CEP72: variants seen among roughly 807,000 people sequenced by gnomAD.
CEP72 encodes the protein centrosomal protein 72.
CEP72 carries 78 observed loss-of-function variants against 65.7 expected under a neutral mutation model. The ratio of observed to expected loss-of-function variants is 1.19; its 90% CI spans 0.99 to 1.43. The LOEUF (loss-of-function observed/expected upper bound fraction) is 1.43. CEP72 is among the 40% of genes most tolerant of loss of function. CEP72 has a pLI of 0.00. For synonymous variants in CEP72, 358 were observed against 351.7 expected (o/e 1.02, Z -0.20); for missense variants, 914 against 832.9 (o/e 1.10, Z -1.20).
At chr5:614,944 C>T (rs1475236191) in intron 1 of CEP72, among the ~76,000 whole-genome samples, 1 of 151,796 alleles carries the variant, frequency 6.6e-6, no homozygotes, top group Non-Finnish European at 1.5e-5. Context: ...TCTTCTGTAT[C>T]CTTGCTGATT....
Position 624,439 on chromosome 5 carries a change from C to T in CEP72, c.404-32C>T. On this transcript the variant is annotated intron_variant, in intron 3 of 11. Coordinates refer to ENST00000264935, the MANE Select transcript of CEP72 (RefSeq NM_018140.4). The surrounding 1 kb of genome is among the most constrained non-coding windows in gnomAD (Gnocchi z 4.7). ...GGATGCAGCCGCCCGCCGCTTGCCACCTGCACAGTCTTGTGTGGCCTTTTC... is the reference window on the plus strand; with the variant it reads ...GGATGCAGCCGCCCGCCGCTTGCCATCTGCACAGTCTTGTGTGGCCTTTTC... 6.4e-7 allele frequency: 1 copy of T among 1,561,178 alleles called. No homozygotes were observed. Among genetic ancestry groups the T allele is most frequent in the Non-Finnish European group, 8.8e-7 (1 of 1,131,796 alleles).
chr5:620,819 C>T (rs892260116), intron 3 of CEP72, among the ~76,000 whole-genome samples: 3 of 152,224 alleles, frequency 2.0e-5, no homozygotes. Context: ...GCCCCCACAG[C>T]GATGCCCAGT....
intron 9 of CEP72, chr5:643,222 A>G (rs967570384): frequency 2.0e-5 from 20 of 985,276 alleles, no homozygotes; most frequent in Non-Finnish European, 2.2e-5. Flanking sequence ...CAAATGAAAA[A>G]GAGCTGGGAG....
chr5:635,605 C>G lies in CEP72; in HGVS notation c.904+21C>G, dbSNP rs139813223. 3.5e-3 allele frequency: 5,415 copies of G among 1,550,424 alleles called. 16 individuals are homozygous for G. Among genetic ancestry groups the G allele is most frequent in the Non-Finnish European group, 4.2e-3 (4,721 of 1,124,162 alleles). ...CCCAGGTACTTACGCGTGTCTTAGT[C>G]TGTTTTCTGTTGCTGTAACAGAAAA... On this transcript the variant is annotated intron_variant, in intron 6 of 11. Coordinates refer to ENST00000264935, the MANE Select transcript of CEP72 (RefSeq NM_018140.4).
At chr5:665,000 G>A (rs574595647) in intron 2 of CEP72, 23 of 1,401,926 alleles carry the variant, frequency 1.6e-5, no homozygotes, top group South Asian at 1.3e-4. Context: ...TGGGGCACCC[G>A]TCTGAGTTCT....
chr5:665,459 T>C (rs1342432741), intron 3 of CEP72: 3 of 692,846 alleles, frequency 4.3e-6, no homozygotes, highest in Non-Finnish European at 7.1e-6. Context: ...TTACCTCTCC[T>C]GACCCTGGGG....
rs796428802 is a variant in CEP72 at position 641,659 on chromosome 5, G to A, written c.1539+1055G>A. 6 of 984,140 alleles carry A rather than the reference G, an allele frequency of 6.1e-6. No homozygotes were observed. In the African/African-American group the frequency reaches 1.1e-4, roughly 17 times the overall value. The allele number at this position is 984,140 out of a possible 1,614,324, so 61.0% of individuals were successfully genotyped here. A position where few individuals can be genotyped will look rare whatever the true frequency, so the allele number is the denominator to read the frequency against. On this transcript the variant is annotated intron_variant, in intron 9 of 11. Coordinates refer to ENST00000264935, the MANE Select transcript of CEP72 (RefSeq NM_018140.4). ...AACACATGTGGGCCTCCTCCATCTG[G>A]AAGCCTCTGTATTTAAACACACGTG...
At chr5:673,965 G>A in the CEP72 span, among the ~76,000 whole-genome samples, 1 of 152,224 alleles carries the variant, frequency 6.6e-6, no homozygotes, top group Non-Finnish European at 1.5e-5. Flanking sequence ...ATGCGGCCAT[G>A]TGCATGCACA....
At chr5:674,717 G>T in the CEP72 span, among the ~76,000 whole-genome samples, 2 of 151,994 alleles carry the variant, frequency 1.3e-5, no homozygotes, top group African/African-American at 2.4e-5. Flanking sequence ...GCTGCAGGAG[G>T]CTGCAGGTTT....
chr5:628,477 CAGGT>C (rs1736911916), intron 4 of CEP72, among the ~76,000 whole-genome samples: 1 of 149,790 alleles, frequency 6.7e-6, no homozygotes, highest in African/African-American at 2.5e-5. Context: ...CTGGAGAACT[CAGGT>C]TGCCGTCCCT....
chr5:666,581 G>A (rs1350756599), intron 4 of CEP72, among the ~76,000 whole-genome samples: 2 of 152,198 alleles, frequency 1.3e-5, no homozygotes, highest in South Asian at 2.1e-4. Context: ...CCGGACACTT[G>A]GCAGCATGGG....
In CEP72 at chr5:635,591, AC is replaced by A. The variant is rs370447299; in HGVS notation, c.904+8del. ...TACTTCACCCCACACCCAGGTACTT[AC>A]GCGTGTCTTAGTCTGTTTTCTGTTG... is the stretch of plus-strand genomic sequence containing the variant. On this transcript the variant is annotated splice_region_variant and intron_variant, in intron 6 of 11. Transcript: ENST00000264935. 7,287 of 1,603,014 alleles carry A rather than the reference AC, an allele frequency of 4.5e-3. 75 individuals are homozygous for A. The highest frequency in any genetic ancestry group is 4.4e-3 in the Non-Finnish European group (5,141 of 1,170,686).
At chr5:650,201 TG>T (rs1160044996) in intron 11 of CEP72, among the ~76,000 whole-genome samples, 2 of 113,432 alleles carry the variant, frequency 1.8e-5, no homozygotes, top group Non-Finnish European at 1.8e-5. Flanking sequence ...CTGTGAGGCG[TG>T]GACTGTGAGG....
At chr5:664,835 G>A (rs1007772445) in intron 2 of CEP72, 8 of 487,136 alleles carry the variant, frequency 1.6e-5, no homozygotes, top group East Asian at 7.0e-5. Flanking sequence ...GGTGTGATCC[G>A]CGAGACACTT....
chr5:649,158 T>TG (rs1738709966), intron 11 of CEP72, among the ~76,000 whole-genome samples: 6 of 130,320 alleles, frequency 4.6e-5, no homozygotes, highest in South Asian at 5.1e-4. Flanking sequence ...CTGTGAGGCG[T>TG]GACTGTGAGG....
chr5:633,444 T>C (rs1001869162), intron 4 of CEP72, among the ~76,000 whole-genome samples: 7 of 150,308 alleles, frequency 4.7e-5, no homozygotes, highest in African/African-American at 1.2e-4. Flanking sequence ...AGACCAGTCC[T>C]GGTGGGGTTC....
intron 11 of CEP72, among the ~76,000 whole-genome samples, chr5:651,530 G>T (rs1054701911): frequency 1.3e-5 from 2 of 152,006 alleles, no homozygotes; most frequent in African/African-American, 4.8e-5. Context: ...CCCCTTCACT[G>T]CAGTGCGTGT....
exon 3 of CEP72, chr5:665,222 G>A (rs1228936623): frequency 4.3e-6 from 7 of 1,613,742 alleles, no homozygotes; most frequent in African/African-American, 1.3e-5. Flanking sequence ...CAGAGGGGTC[G>A]AAGCGCTCCT....
At chr5:666,184 G>T (rs1411259984) in intron 4 of CEP72, 21 of 1,577,136 alleles carry the variant, frequency 1.3e-5, no homozygotes, top group Non-Finnish European at 1.7e-5. Flanking sequence ...CCCTCCCCAC[G>T]CGTGGGTCTG....
Sources: gnomAD v4.1 joint callset for allele counts (sites outside exome capture counted in the v4.1 genomes callset) on GRCh38, gnomAD v4.1.1 for gene constraint, Gnocchi (gnomAD v3.1) non-coding constraint, MANE v1.5 for transcripts, NCBI Gene and HGNC (gene_info 2026-07-23, HGNC 2026-07-21) for gene names.